Variants in BBS4 observed in about 807,000 individuals in gnomAD.
BBS4 encodes Bardet-Biedl syndrome 4, also known as BBSome complex member BBS4.
In BBS4, 58 loss-of-function variants were observed where a neutral mutation model predicts 71.4. The ratio of observed to expected loss-of-function variants is 0.81; its 90% CI spans 0.66 to 1.01. The LOEUF is 1.01. Ranked by LOEUF, BBS4 falls within the 50% of genes least tolerant of loss-of-function variation. BBS4 has a pLI of 0.00. For synonymous variants in BBS4, 228 were observed against 216.8 expected, an observed-to-expected ratio of 1.05 and a Z score of -0.46; for missense variants, 660 against 607.9, an observed-to-expected ratio of 1.09 and a Z score of -0.90.
chr15:72,716,703 T>A, intron 5 of BBS4, 75 bp from the exon 6 acceptor site: 1 of 1,082,410 alleles, frequency 9.2e-7, no homozygotes, highest in East Asian at 2.5e-5. Context: ...TGAAATATGA[T>A]TAAAATGTGG....
intron 12 of BBS4, among the ~76,000 whole-genome samples, chr15:72,732,841 G>A (rs1257754427): frequency 1.3e-5 from 2 of 152,168 alleles, no homozygotes; most frequent in Admixed American, 1.3e-4. Flanking sequence ...AGTTTTCATG[G>A]GTAGAAATGC....
rs767405382 is a variant in BBS4 at position 72,738,159 on chromosome 15, C to T, written c.*572C>T. On this transcript the variant is annotated 3_prime_UTR_variant, in exon 16 of 16. Transcript: ENST00000268057. ...GCTGAGTATTGCAGCTGCATTTGCC[C>T]AAAGGGAATCCAGAACAAGTCCCTC... is the stretch of plus-strand genomic sequence containing the variant. 4.9e-5 allele frequency: 22 copies of T among 450,688 alleles called. No individual in the cohort carries two copies. Among genetic ancestry groups the T allele is most frequent in the South Asian group, 3.1e-4 (20 of 63,934 alleles). The allele number at this position is 450,688 out of a possible 1,614,324, so 27.9% of individuals were successfully genotyped here.
intron 3 of BBS4, among the ~76,000 whole-genome samples, chr15:72,710,367 A>AT (rs1394896416): frequency 2.6e-5 from 4 of 151,300 alleles, no homozygotes; most frequent in African/African-American, 9.7e-5. Flanking sequence ...TGCCCAGCTA[A>AT]TTTTTTGTAT....
chr15:72,734,368 G>A (rs906374377), intron 12 of BBS4, among the ~76,000 whole-genome samples: 2 of 152,236 alleles, frequency 1.3e-5, no homozygotes. Flanking sequence ...CAGAATGGCT[G>A]AGGAGCCACT....
chr15:72,708,248 G>A (rs2065300751), intron 2 of BBS4, among the ~76,000 whole-genome samples: 1 of 152,190 alleles, frequency 6.6e-6, no homozygotes, highest in African/African-American at 2.4e-5. Context: ...TTACAGGCGT[G>A]AGCCACTGCA....
intron 6 of BBS4, among the ~76,000 whole-genome samples, chr15:72,721,737 A>G (rs1224083852): frequency 6.6e-6 from 1 of 152,210 alleles, no homozygotes. Flanking sequence ...CTGGGGGTCC[A>G]TGTTTCCTCA....
chr15:72,735,019 G>A, intron 12 of BBS4, 94 bp from the exon 13 acceptor site: 1 of 871,466 alleles, frequency 1.1e-6, no homozygotes. Flanking sequence ...GGTGCCATGA[G>A]CTGACAGGGT....
chr15:72,716,756 A>G lies in BBS4; in HGVS notation c.333-22A>G, dbSNP rs559557495. 6.4e-6 allele frequency: 10 copies of G among 1,552,134 alleles called. No homozygotes were observed. In the Admixed American group the frequency reaches 6.8e-5, roughly 10 times the overall value. On this transcript the variant is annotated intron_variant, in intron 5 of 15. Transcript: ENST00000268057. Reference sequence around the variant, plus strand: ...TTCTAAGAATTTTGAGGTAATAATTATGGAAAATATATCTTTTACAGATTT... The same window carrying G: ...TTCTAAGAATTTTGAGGTAATAATTGTGGAAAATATATCTTTTACAGATTT...
chr15:72,735,090 C>T, intron 12 of BBS4, 23 bp from the exon 13 acceptor site: 1 of 1,590,148 alleles, frequency 6.3e-7, no homozygotes, highest in Non-Finnish European at 8.6e-7. Context: ...AGCTCTCCAG[C>T]TGCAGTGCTT....
rs766266805 is a variant in BBS4, at chr15:72,735,851, A to G, written c.1133A>G (p.Tyr378Cys). ...TGTAACCCTTTAGTAAACCTGAACT[A>G]TGCTGTGCTGCTGTACAACCAGGGC... ...DKCNPLVNLN[Y>C]AVLLYNQGEK... is the part of the protein sequence containing the mutation. Residue 378 changes from tyrosine (Y) to cysteine (C), a missense_variant, in exon 14 of 16, where the codon TAT becomes TGT. Transcript: ENST00000268057. The G allele has an allele frequency of 3.1e-6, 5 of 1,614,172 alleles. No homozygotes were observed. The highest frequency in any genetic ancestry group is 4.2e-6 in the Non-Finnish European group (5 of 1,180,028).
At chr15:72,707,032 C>CT (rs199839642) in intron 2 of BBS4, among the ~76,000 whole-genome samples, 4 of 150,444 alleles carry the variant, frequency 2.7e-5, no homozygotes, top group South Asian at 2.1e-4. Context: ...TCACAGTAAG[C>CT]TTTTTTTTTC....
chr15:72,710,174 T>A (rs958558296), intron 3 of BBS4, among the ~76,000 whole-genome samples: 23 of 142,214 alleles, frequency 1.6e-4, no homozygotes, highest in Non-Finnish European at 1.5e-5. Flanking sequence ...TTTGGATAGA[T>A]GAAAAATGGT....
rs936319236 is a variant in BBS4, at chr15:72,738,168, T to A, written c.*581T>A. The stretch of plus-strand genomic sequence containing the variant: ...TGCAGCTGCATTTGCCCAAAGGGAA[T>A]CCAGAACAAGTCCCTCCCTGTATTT... On this transcript the variant is annotated 3_prime_UTR_variant, in exon 16 of 16. Coordinates refer to ENST00000268057, the MANE Select transcript of BBS4 (RefSeq NM_033028.5). 1.3e-5 allele frequency: 6 copies of A among 450,860 alleles called. No individual in the cohort carries two copies. Among genetic ancestry groups the A allele is most frequent in the Non-Finnish European group, 2.2e-5 (5 of 225,656 alleles). 27.9% of individuals were successfully genotyped at this position (450,860 alleles called of 1,614,324 possible). A position where few individuals can be genotyped will look rare whatever the true frequency, so the allele number is the denominator to read the frequency against.
chr15:72,705,013 AC>A (rs1186485765), intron 2 of BBS4, among the ~76,000 whole-genome samples: 17 of 152,234 alleles, frequency 1.1e-4, no homozygotes, highest in African/African-American at 4.1e-4. Flanking sequence ...GTAATACGAT[AC>A]AACTCTATGA....
Position 72,715,447 on chromosome 15 carries a change from A to G in BBS4, c.332+45A>G, listed in dbSNP as rs768399375. On this transcript the variant is annotated intron_variant, in intron 5 of 15. Transcript: ENST00000268057. ...AGGCCCTAGGGCACTCACAGAGAACAGTGTAAAATGCATTCCTAGGTCCAG... is the reference window on the plus strand; with the variant it reads ...AGGCCCTAGGGCACTCACAGAGAACGGTGTAAAATGCATTCCTAGGTCCAG... 7 of 1,343,948 alleles carry G rather than the reference A, an allele frequency of 5.2e-6. No homozygotes were observed. In the Admixed American group the frequency reaches 1.0e-4, roughly 19 times the overall value. The allele number at this position is 1,343,948 out of a possible 1,614,324, so 83.3% of individuals were successfully genotyped here.
At chr15:72,729,582 T>C in intron 9 of BBS4, 34 bp from the exon 10 acceptor site, 1 of 1,607,646 alleles carries the variant, frequency 6.2e-7, no homozygotes, top group South Asian at 1.1e-5. Context: ...GTCTCCTTGC[T>C]GATGTAAATT....
At position 72,709,706 on chromosome 15, in the gene BBS4, A is replaced by C. The variant is rs1567410420; in HGVS notation, c.83A>C (p.Glu28Ala). 1 of 1,611,822 alleles carries C rather than the reference A, an allele frequency of 6.2e-7. No homozygotes were observed. Among genetic ancestry groups the C allele is most frequent in the Non-Finnish European group, 8.5e-7 (1 of 1,178,026 alleles). ...GTCAAAATATGCTGCCTAGCTCCAG[A>C]GTTTCCTATTTTGGAGAAGCAGAAC... ...SQKPRQKKAP[E>A]FPILEKQNWL... Residue 28 changes from glutamate to alanine, a missense_variant, in exon 3 of 16, where the codon GAG (glutamate) becomes GCG (alanine). Glu to Ala is a moderately radical substitution (Grantham distance 107). Coordinates refer to ENST00000268057, the MANE Select transcript of BBS4 (RefSeq NM_033028.5).
chr15:72,735,620 G>T, intron 13 of BBS4: 1 of 677,652 alleles, frequency 1.5e-6, no homozygotes, highest in Non-Finnish European at 2.6e-6. Context: ...TGCCAGATTT[G>T]GTCCCAATAC....
chr15:72,705,158 T>C (rs780791580), intron 2 of BBS4, among the ~76,000 whole-genome samples: 1 of 152,204 alleles, frequency 6.6e-6, no homozygotes. Flanking sequence ...TTATCTGTCC[T>C]GTGTGGTAGT....
Sources: gnomAD v4.1 joint callset for allele counts (sites outside exome capture counted in the v4.1 genomes callset) on GRCh38, gnomAD v4.1.1 for gene constraint, MANE v1.5 for transcripts, NCBI Gene and HGNC (gene_info 2026-07-23, HGNC 2026-07-21) for gene names.